NCAPG: variants seen among roughly 807,000 people sequenced by gnomAD.
NCAPG encodes non-SMC condensin I complex subunit G, also known as condensin complex subunit 3.
A neutral mutation model predicts 113.1 loss-of-function variants in NCAPG; 69 were observed. The observed-to-expected ratio is 0.61, with a 90% CI of 0.50 to 0.75. NCAPG has a LOEUF of 0.75. NCAPG is among the 30% of genes least tolerant of loss of function. The pLI, the probability that NCAPG is intolerant of heterozygous loss-of-function variation, is 0.00. For synonymous variants in NCAPG, 370 were observed against 415.8 expected (o/e 0.89, Z 1.34); for missense variants, 1,058 against 1,177.0 (o/e 0.90, Z 1.48).
In NCAPG at chr4:17,843,506, C is replaced by T. The variant is rs1560238273; in HGVS notation, c.*81C>T. The T allele has an allele frequency of 3.4e-6, 5 of 1,474,610 alleles. No homozygotes were observed. Among genetic ancestry groups the T allele is most frequent in the Non-Finnish European group, 4.6e-6 (5 of 1,077,258 alleles). 91.3% of individuals were successfully genotyped at this position (1,474,610 alleles called of 1,614,324 possible). Reference sequence around the variant, plus strand: ...AAGAAGAAGTTACCCTTGTCAAAATCAGAACAAACCTGATGTCTTTCTGAA... The same window carrying T: ...AAGAAGAAGTTACCCTTGTCAAAATTAGAACAAACCTGATGTCTTTCTGAA... On this transcript the variant is annotated 3_prime_UTR_variant, in exon 21 of 21. Coordinates refer to ENST00000251496, the MANE Select transcript of NCAPG (RefSeq NM_022346.5).
At position 17,811,842 on chromosome 4, in the gene NCAPG, C is replaced by A. The variant is rs2109040068; in HGVS notation, c.112-379C>A. Among the ~76,000 whole-genome samples the A allele has an allele frequency of 6.6e-6, 1 of 152,202 alleles. No individual in the cohort carries two copies. Among genetic ancestry groups the A allele is most frequent in the Admixed American group, 6.5e-5 (1 of 15,294 alleles). On this transcript the variant is annotated intron_variant, in intron 1 of 20. Coordinates refer to ENST00000251496, the MANE Select transcript of NCAPG (RefSeq NM_022346.5). The surrounding 1 kb of genome is among the most constrained non-coding windows in gnomAD (Gnocchi z 5.3). Reference sequence around the variant, plus strand: ...ATATGAGATAGGATGTGCAAGTTATCTCATAAAGAAACTGCTGGTGATAGG... The same window carrying A: ...ATATGAGATAGGATGTGCAAGTTATATCATAAAGAAACTGCTGGTGATAGG...
intron 19 of NCAPG, 117 bp from the exon 20 acceptor site, chr4:17,842,193 A>G: frequency 1.3e-6 from 1 of 778,780 alleles, no homozygotes; most frequent in South Asian, 1.7e-5. Context: ...AGTAGGAGAT[A>G]CATGTGTTGA....
Position 17,823,133 on chromosome 4 carries a change from A to T in NCAPG, c.1259+10A>T, listed in dbSNP as rs1339850753. On this transcript the variant is annotated intron_variant, in intron 8 of 20. Coordinates refer to ENST00000251496, the MANE Select transcript of NCAPG (RefSeq NM_022346.5). ...GTGAAGAAGGAGGAAGGTATGTCTAAATGTTAACACTCATTCTAATTTGCC... is the reference window on the plus strand; with the variant it reads ...GTGAAGAAGGAGGAAGGTATGTCTATATGTTAACACTCATTCTAATTTGCC... 1 of 1,603,660 alleles carries T rather than the reference A, an allele frequency of 6.2e-7. No homozygotes were observed. Among genetic ancestry groups the T allele is most frequent in the Non-Finnish European group, 8.5e-7 (1 of 1,175,442 alleles).
intron 5 of NCAPG, among the ~76,000 whole-genome samples, chr4:17,815,814 G>A (rs968483728): frequency 1.3e-5 from 2 of 152,110 alleles, no homozygotes; most frequent in South Asian, 2.1e-4. Flanking sequence ...GTGAGCCACC[G>A]CGTCTGGCCA....
rs528785430 is a variant in NCAPG at position 17,837,084 on chromosome 4, G to A, written c.2110-75G>A. The A allele has an allele frequency of 5.3e-6, 7 of 1,319,012 alleles. No individual in the cohort carries two copies. In the African/African-American group the frequency reaches 1.0e-4, roughly 19 times the overall value. 81.7% of individuals were successfully genotyped at this position (1,319,012 alleles called of 1,614,324 possible). A position where few individuals can be genotyped will look rare whatever the true frequency, so the allele number is the denominator to read the frequency against. On this transcript the variant is annotated intron_variant, in intron 14 of 20. Transcript: ENST00000251496. ...TTTGGATGGTTCGTGTAAAAATACT[G>A]TAGGACAGGCTACATTGAGAGGCTT...
In NCAPG at chr4:17,813,129, A is replaced by C; in HGVS notation, c.528A>C (p.Glu176Asp). The change falls in exon 3 of 21, where the codon GAA (glutamate) becomes GAC (aspartate). Residue 176 changes from glutamate to aspartate, a missense_variant. By Grantham distance (45) the Glu-to-Asp change is conservative. Transcript: ENST00000251496. ...GACTTCAGGATCCCAAGGATGATGAATGCCCAGTGGTTAATGGTGTGTGTA... is the reference window on the plus strand; with the variant it reads ...GACTTCAGGATCCCAAGGATGATGACTGCCCAGTGGTTAATGGTGTGTGTA... ...LSRLQDPKDD[E>D]CPVVNAYATL... is the part of the protein sequence containing the mutation. 1 of 1,613,718 alleles carries C rather than the reference A, an allele frequency of 6.2e-7. No homozygotes were observed. The highest frequency in any genetic ancestry group is 8.5e-7 in the Non-Finnish European group (1 of 1,179,630).
chr4:17,841,930 C>G (rs1487143161), intron 19 of NCAPG: 1 of 161,692 alleles, frequency 6.2e-6, no homozygotes, highest in Non-Finnish European at 1.4e-5. Flanking sequence ...CCTAACCTAC[C>G]TTTCTAACCC....
chr4:17,838,141 C>G (rs1292587807), intron 16 of NCAPG, among the ~76,000 whole-genome samples: 1 of 152,162 alleles, frequency 6.6e-6, no homozygotes, highest in Admixed American at 6.5e-5. Context: ...GCTTCTGGCA[C>G]AAGAAAGGAG....
rs11431250 is a variant in NCAPG, at chr4:17,833,485, T to TTTGTTGTTG, written c.1885-796_1885-788dup. Among the ~76,000 whole-genome samples the TTTGTTGTTG allele has an allele frequency of 3.1e-3, 462 of 148,450 alleles. 5 individuals carry two copies. The East Asian group carries it at 0.039, about 12-fold the overall frequency. On this transcript the variant is annotated intron_variant, in intron 13 of 20. Coordinates refer to ENST00000251496, the MANE Select transcript of NCAPG (RefSeq NM_022346.5). ...AAAAAAAAAAATATATATATATATT[T>TTTGTTGTTG]TTGTTGTTGTTGTTGTTGTTGTTGT... is the stretch of plus-strand genomic sequence containing the variant.
At position 17,814,949 on chromosome 4, in the gene NCAPG, T is replaced by C. The variant is rs145849325; in HGVS notation, c.641T>C (p.Val214Ala). 1.3e-4 allele frequency: 208 copies of C among 1,614,184 alleles called. No individual in the cohort carries two copies. The African/African-American group carries it at 2.6e-3, about 20-fold the overall frequency. Residue 214 changes from valine (V) to alanine (A), a missense_variant, in exon 4 of 21, where the codon GTA becomes GCA. By Grantham distance (64) the Val-to-Ala change is moderately conservative. Transcript: ENST00000251496. ...APSAKTLPKI[V>A]GRTKDVKEAV... is the part of the protein sequence containing the mutation. ...TCAGCAAAGACTTTGCCAAAAATTG[T>C]AGGGCGCACCAAGGATGTGAAAGAG...
At chr4:17,837,442 G>A (rs1350110964) in intron 15 of NCAPG, 102 bp downstream of exon 15, 2 of 1,264,524 alleles carry the variant, frequency 1.6e-6, no homozygotes, top group Non-Finnish European at 2.2e-6. Context: ...TACTTTTTCT[G>A]TCTTTAGTAG....
At chr4:17,836,586 A>G (rs1722105529) in intron 14 of NCAPG, among the ~76,000 whole-genome samples, 1 of 151,996 alleles carries the variant, frequency 6.6e-6, no homozygotes, top group African/African-American at 2.4e-5. Context: ...TAGGCTGTTG[A>G]TGCATTTTCA....
At chr4:17,822,190 CTTTTTTTTTT>C (rs1159844034) in intron 7 of NCAPG, among the ~76,000 whole-genome samples, 1 of 111,750 alleles carries the variant, frequency 8.9e-6, no homozygotes, top group Admixed American at 9.1e-5. Context: ...AAGATTAAAT[CTTTTTTTTTT>C]TTTTTTTTTT....
chr4:17,824,816 G>A, intron 9 of NCAPG, 152 bp from the exon 10 acceptor site: 1 of 488,800 alleles, frequency 2.0e-6, no homozygotes, highest in Non-Finnish European at 3.6e-6. Context: ...TTCTAAAATT[G>A]TCTAGCAAAC....
chr4:17,812,705 T>G (rs928045074), intron 2 of NCAPG, among the ~76,000 whole-genome samples: 21 of 152,230 alleles, frequency 1.4e-4, no homozygotes, highest in African/African-American at 5.1e-4. Flanking sequence ...CTATGTAACT[T>G]AGCAAAGACT....
At chr4:17,832,422 T>G (rs1721901222) in intron 13 of NCAPG, among the ~76,000 whole-genome samples, 1 of 152,182 alleles carries the variant, frequency 6.6e-6, no homozygotes, top group African/African-American at 2.4e-5. Context: ...TGGAGGATAA[T>G]TTAAAGATTT....
At chr4:17,833,328 A>G (rs1175814935) in intron 13 of NCAPG, among the ~76,000 whole-genome samples, 3 of 151,852 alleles carry the variant, frequency 2.0e-5, no homozygotes, top group Non-Finnish European at 2.9e-5. Context: ...GCGTGGTGGT[A>G]TGTGCCTGTA....
At chr4:17,841,146 A>G (rs1722361538) in intron 19 of NCAPG, 1 of 151,970 alleles carries the variant, frequency 6.6e-6, no homozygotes, top group Non-Finnish European at 1.5e-5. Flanking sequence ...TCTGTTGGCA[A>G]AGTAAATGCT....
At position 17,837,751 on chromosome 4, in the gene NCAPG, A is replaced by C; in HGVS notation, c.2416A>C (p.Thr806Pro). ...TNVAELLVDL[T>P]RPSGLNPQAK... is the part of the protein sequence containing the mutation. ...TGTTGCTGAGTTACTTGTAGATTTG[A>C]CAAGACCAAGTGGATTAAATCCTCA... The change falls in exon 16 of 21, where the codon ACA becomes CCA. Residue 806 changes from threonine to proline, a missense_variant. Thr to Pro is a conservative substitution (Grantham distance 38, BLOSUM62 -1). Transcript: ENST00000251496. 5 of 1,613,996 alleles carry C rather than the reference A, an allele frequency of 3.1e-6. No individual in the cohort carries two copies. Among genetic ancestry groups the C allele is most frequent in the Non-Finnish European group, 3.4e-6 (4 of 1,179,880 alleles).
Sources: gnomAD v4.1 joint callset for allele counts (sites outside exome capture counted in the v4.1 genomes callset) on GRCh38, gnomAD v4.1.1 for gene constraint, Gnocchi (gnomAD v3.1) non-coding constraint, MANE v1.5 for transcripts, NCBI Gene and HGNC (gene_info 2026-07-23, HGNC 2026-07-21) for gene names.